NELL1: variants seen among roughly 807,000 people sequenced by gnomAD.
NELL1 encodes neural EGFL like 1.
In NELL1, 76 loss-of-function variants were observed where a neutral mutation model predicts 107.4. The observed-to-expected ratio is 0.71, with a 90% CI of 0.59 to 0.86. The LOEUF (loss-of-function observed/expected upper bound fraction) is 0.86. NELL1 is among the 40% of genes least tolerant of loss of function. The pLI is 0.00. For synonymous variants in NELL1, 353 were observed against 341.2 expected (o/e 1.03, Z -0.38); for missense variants, 1,024 against 1,005.5 (o/e 1.02, Z -0.25).
chr11:20,705,335 G>A (rs997006536), intron 2 of NELL1, among the ~76,000 whole-genome samples: 2 of 152,070 alleles, frequency 1.3e-5, no homozygotes, highest in African/African-American at 4.8e-5. Context: ...CAATGGAACA[G>A]AACAGAGCCC....
intron 12 of NELL1, among the ~76,000 whole-genome samples, chr11:21,007,416 CAG>C (rs1852353691): frequency 6.6e-6 from 1 of 151,878 alleles, no homozygotes; most frequent in South Asian, 2.1e-4. Context: ...CACACACAGA[CAG>C]ACACGCACAT....
At chr11:21,413,250 A>ATG (rs1852424337) in intron 15 of NELL1, among the ~76,000 whole-genome samples, 1 of 151,932 alleles carries the variant, frequency 6.6e-6, no homozygotes, top group Admixed American at 6.6e-5. Flanking sequence ...ATGCGAGATA[A>ATG]ACCATAACCC....
At chr11:21,041,420 CAG>C (rs1853229041) in intron 12 of NELL1, among the ~76,000 whole-genome samples, 1 of 152,104 alleles carries the variant, frequency 6.6e-6, no homozygotes, top group South Asian at 2.1e-4. Flanking sequence ...AGCAAAAAGT[CAG>C]AGAGTCACGT....
intron 2 of NELL1, among the ~76,000 whole-genome samples, chr11:20,756,738 G>A (rs1026265924): frequency 2.6e-5 from 4 of 151,796 alleles, no homozygotes; most frequent in South Asian, 2.1e-4. Flanking sequence ...ACTCACTGCC[G>A]GTAGGTTCCC....
intron 13 of NELL1, among the ~76,000 whole-genome samples, chr11:21,164,766 A>T (rs900826677): frequency 1.3e-5 from 2 of 152,184 alleles, no homozygotes; most frequent in African/African-American, 2.4e-5. Context: ...AAATCCTCTG[A>T]TTTGTGCCTC....
At chr11:21,327,598 C>T (rs1263668947) in intron 14 of NELL1, among the ~76,000 whole-genome samples, 2 of 152,092 alleles carry the variant, frequency 1.3e-5, no homozygotes, top group Admixed American at 1.3e-4. Flanking sequence ...TGTAGTGGGG[C>T]ACCACTGGAA....
At chr11:21,387,876 T>G (rs1418075673) in intron 15 of NELL1, among the ~76,000 whole-genome samples, 1 of 151,784 alleles carries the variant, frequency 6.6e-6, no homozygotes, top group Admixed American at 6.6e-5. Flanking sequence ...ATCTTTAAAG[T>G]GTCTAGTGCA....
intron 2 of NELL1, among the ~76,000 whole-genome samples, chr11:20,763,295 G>T (rs1420772307): frequency 6.6e-6 from 1 of 152,132 alleles, no homozygotes; most frequent in Non-Finnish European, 1.5e-5. Flanking sequence ...CATGTACCCA[G>T]CCTGCATGGG....
At chr11:20,961,872 C>T (rs1851298281) in intron 12 of NELL1, among the ~76,000 whole-genome samples, 1 of 152,180 alleles carries the variant, frequency 6.6e-6, no homozygotes, top group South Asian at 2.1e-4. Flanking sequence ...TTGTTAATCC[C>T]TGCTTAACTT....
chr11:21,214,684 C>T (rs978411554), intron 13 of NELL1, among the ~76,000 whole-genome samples: 11 of 150,848 alleles, frequency 7.3e-5, no homozygotes, highest in African/African-American at 1.7e-4. Context: ...ATCACACTTT[C>T]GGATATTTAT....
At chr11:21,032,109 C>T (rs997206702) in intron 12 of NELL1, among the ~76,000 whole-genome samples, 3 of 150,364 alleles carry the variant, frequency 2.0e-5, no homozygotes, top group African/African-American at 7.3e-5. Context: ...AAATTGAAAA[C>T]AATCCGTGTG....
intron 15 of NELL1, among the ~76,000 whole-genome samples, chr11:21,382,006 T>G (rs992639814): frequency 2.7e-5 from 4 of 149,112 alleles, no homozygotes. Context: ...GTATTATTGA[T>G]AGCATGGGTG....
chr11:21,546,657 T>C (rs573998403), intron 16 of NELL1, among the ~76,000 whole-genome samples: 2 of 152,136 alleles, frequency 1.3e-5, no homozygotes, highest in South Asian at 2.1e-4. Context: ...GCCTTCATCA[T>C]GATGGTGAGG....
At chr11:21,287,204 T>G (rs1849142421) in intron 14 of NELL1, among the ~76,000 whole-genome samples, 1 of 152,220 alleles carries the variant, frequency 6.6e-6, no homozygotes, top group African/African-American at 2.4e-5. Flanking sequence ...CTAGCTCCTT[T>G]TTATTTCTTG....
chr11:20,878,332 C>T (rs1849344794), intron 4 of NELL1, among the ~76,000 whole-genome samples: 1 of 124,958 alleles, frequency 8.0e-6, no homozygotes, highest in Non-Finnish European at 1.6e-5. Context: ...GCACTTCAGC[C>T]TGGGGGACAG....
At chr11:21,376,299 T>C (rs1195186606) in intron 15 of NELL1, among the ~76,000 whole-genome samples, 1 of 152,136 alleles carries the variant, frequency 6.6e-6, no homozygotes, top group Non-Finnish European at 1.5e-5. Flanking sequence ...ATTTATTGAA[T>C]AGGGAGTCTT....
Position 21,370,380 on chromosome 11 carries a change from A to T in NELL1, c.1550-473A>T, listed in dbSNP as rs148282565. ...CAAATGTAAATGATTAGTTACATTTATATTATAAATATTAAGCTATATGGA... is the reference window on the plus strand; with the variant it reads ...CAAATGTAAATGATTAGTTACATTTTTATTATAAATATTAAGCTATATGGA... On this transcript the variant is annotated intron_variant, in intron 14 of 19. Coordinates refer to ENST00000357134, the MANE Select transcript of NELL1 (RefSeq NM_006157.5). 5.5e-4 allele frequency among the ~76,000 whole-genome samples: 83 copies of T among 152,208 alleles called. 1 individual carries two copies. The highest frequency in any genetic ancestry group is 1.8e-3 in the African/African-American group (73 of 41,560).
intron 4 of NELL1, among the ~76,000 whole-genome samples, chr11:20,854,365 C>G (rs549761207): frequency 6.6e-6 from 1 of 152,154 alleles, no homozygotes; most frequent in African/African-American, 2.4e-5. Context: ...CCTCCTGATT[C>G]TATCTCATCA....
chr11:21,236,091 G>T (rs1396183776), intron 14 of NELL1, among the ~76,000 whole-genome samples: 1 of 151,864 alleles, frequency 6.6e-6, no homozygotes, highest in African/African-American at 2.4e-5. Context: ...CCCTCTCCTT[G>T]GGATCATTTA....
Sources: allele counts gnomAD v4.1 joint callset (sites outside exome capture counted in the v4.1 genomes callset), GRCh38; gene constraint gnomAD v4.1.1; transcripts MANE v1.5; gene names NCBI Gene and HGNC (gene_info 2026-07-23, HGNC 2026-07-21).